DGKI: variants seen among roughly 807,000 people sequenced by gnomAD.
DGKI encodes diacylglycerol kinase iota, also known as DAG kinase iota.
DGKI carries 55 observed loss-of-function variants against 147.5 expected under a neutral mutation model. That is an observed-to-expected ratio of 0.37 (90% CI 0.30 to 0.47). The LOEUF is 0.47. DGKI is among the 20% of genes least tolerant of loss of function. The pLI, the probability that DGKI is intolerant of heterozygous loss-of-function variation, is 1.00. For missense variants in DGKI, 1,007 were observed against 1,323.8 expected (o/e 0.76, Z 3.71); for synonymous variants, 469 against 477.1 (o/e 0.98, Z 0.22).
intron 31 of DGKI, chr7:137,395,996 CAGA>C: frequency 3.0e-6 from 1 of 331,648 alleles, no homozygotes; most frequent in South Asian, 5.1e-5. Flanking sequence ...CAGTATTAAA[CAGA>C]CTAATTGTCT....
intron 1 of DGKI, among the ~76,000 whole-genome samples, chr7:137,746,346 A>C (rs1795330075): frequency 6.6e-6 from 1 of 152,170 alleles, no homozygotes; most frequent in Admixed American, 6.5e-5. Flanking sequence ...TGAAGGTGAT[A>C]CAAACTTGAC....
intron 6 of DGKI, among the ~76,000 whole-genome samples, chr7:137,627,207 A>C (rs965935619): frequency 2.0e-5 from 3 of 152,170 alleles, no homozygotes; most frequent in African/African-American, 4.8e-5. Flanking sequence ...AGTCTTCCAA[A>C]ATAACCTCAA....
At chr7:137,651,847 C>A (rs891360773) in intron 5 of DGKI, among the ~76,000 whole-genome samples, 6 of 152,056 alleles carry the variant, frequency 3.9e-5, no homozygotes, top group African/African-American at 1.4e-4. Flanking sequence ...TATGTAGTAT[C>A]TTGAATATTT....
chr7:137,593,662 G>A (rs1819692428), intron 12 of DGKI, among the ~76,000 whole-genome samples: 1 of 152,130 alleles, frequency 6.6e-6, no homozygotes, highest in Non-Finnish European at 1.5e-5. Flanking sequence ...TAAAATATAT[G>A]CTAGATTTTG....
At chr7:137,673,912 G>A (rs1585355992) in intron 3 of DGKI, among the ~76,000 whole-genome samples, 1 of 152,224 alleles carries the variant, frequency 6.6e-6, no homozygotes, top group Middle Eastern at 3.4e-3. Flanking sequence ...CCCGCTAAAC[G>A]GTGAGGCACT....
intron 29 of DGKI, 114 bp from the exon 30 acceptor site, chr7:137,408,109 G>C: frequency 7.6e-7 from 1 of 1,310,212 alleles, no homozygotes; most frequent in Non-Finnish European, 1.0e-6. Context: ...CAGCCTTAGA[G>C]GACATAGAGA....
At chr7:137,418,003 G>T (rs1482439990) in intron 28 of DGKI, among the ~76,000 whole-genome samples, 1 of 152,190 alleles carries the variant, frequency 6.6e-6, no homozygotes, top group Non-Finnish European at 1.5e-5. Context: ...AGCAGGAACA[G>T]ACTAAGATCC....
At chr7:137,543,605 A>T (rs1170380521) in intron 20 of DGKI, among the ~76,000 whole-genome samples, 1 of 152,190 alleles carries the variant, frequency 6.6e-6, no homozygotes, top group Non-Finnish European at 1.5e-5. Context: ...AGAGCAGCAT[A>T]AAGAGAGGGT....
At chr7:137,447,113 C>G (rs1020369074) in intron 27 of DGKI, among the ~76,000 whole-genome samples, 1 of 152,140 alleles carries the variant, frequency 6.6e-6, no homozygotes, top group African/African-American at 2.4e-5. Context: ...TATTTTGGTA[C>G]TTTTTACATT....
chr7:137,759,024 T>G (rs1426507514), intron 1 of DGKI, among the ~76,000 whole-genome samples: 1 of 152,198 alleles, frequency 6.6e-6, no homozygotes, highest in Non-Finnish European at 1.5e-5. Context: ...GTACATGGCA[T>G]ACTGGTGGGG....
At chr7:137,514,221 G>A (rs13437892) in intron 21 of DGKI, among the ~76,000 whole-genome samples, 16 of 152,010 alleles carry the variant, frequency 1.1e-4, no homozygotes, top group South Asian at 4.2e-4. Context: ...CCTCTTCCGC[G>A]GTTTTAGCTG....
chr7:137,427,087 C>A (rs970335244), intron 28 of DGKI, among the ~76,000 whole-genome samples: 1 of 151,880 alleles, frequency 6.6e-6, no homozygotes, highest in Non-Finnish European at 1.5e-5. Flanking sequence ...CCCAAATCAA[C>A]AGAATATACA....
chr7:137,811,630 A>C (rs1467528154), intron 1 of DGKI, among the ~76,000 whole-genome samples: 2 of 152,200 alleles, frequency 1.3e-5, no homozygotes, highest in Non-Finnish European at 2.9e-5. Context: ...CCCCTGATTG[A>C]TCAGACTTCT....
intron 21 of DGKI, among the ~76,000 whole-genome samples, chr7:137,496,369 A>C (rs1815965007): frequency 6.6e-6 from 1 of 152,120 alleles, no homozygotes; most frequent in Admixed American, 6.6e-5. Flanking sequence ...AATATCACCA[A>C]AATGGCCATA....
Position 137,395,654 on chromosome 7 carries a change from C to G in DGKI, c.3001G>C (p.Ala1001Pro), listed in dbSNP as rs756928269. 1 of 1,614,166 alleles carries G rather than the reference C, an allele frequency of 6.2e-7. No homozygotes were observed. Among genetic ancestry groups the G allele is most frequent in the Non-Finnish European group, 8.5e-7 (1 of 1,179,996 alleles). Reference protein sequence around the residue: ...LHKAACQRNRAVCQLLVDAGA... With the variant: ...LHKAACQRNRPVCQLLVDAGA... ...GCATCCACCAGAAGCTGGCACACAG[C>G]CCGGTTCCGCTGGCAGGCAGCCTTG... The change falls in exon 32 of 33, where the codon GCT becomes CCT. Residue 1001 changes from alanine (A) to proline (P), a missense_variant. Ala to Pro is a conservative substitution (Grantham distance 27). Transcript: ENST00000614521.
chr7:137,390,928 C>A lies in DGKI; in HGVS notation c.*292G>T, dbSNP rs943935908. ...CTTTGAATCTTTAAAATAAATTATA[C>A]AGGTGAACACAGAAGTTCATGCTAC... is the stretch of plus-strand genomic sequence containing the variant. On this transcript the variant is annotated 3_prime_UTR_variant, in exon 33 of 33. Transcript: ENST00000614521. The A allele has an allele frequency of 4.9e-5, 19 of 384,392 alleles. 1 individual carries two copies. Among genetic ancestry groups the A allele is most frequent in the African/African-American group, 3.6e-4 (17 of 47,082 alleles). The allele number at this position is 384,392 out of a possible 1,614,324, so 23.8% of individuals were successfully genotyped here.
At chr7:137,791,576 AT>A (rs529455610) in intron 1 of DGKI, among the ~76,000 whole-genome samples, 174 of 152,282 alleles carry the variant, frequency 1.1e-3, no homozygotes, top group Non-Finnish European at 2.2e-3. Flanking sequence ...ATCCTATAAG[AT>A]TTCTTAAGTG....
intron 1 of DGKI, among the ~76,000 whole-genome samples, chr7:137,844,428 C>A (rs1798651543): frequency 6.6e-6 from 1 of 152,168 alleles, no homozygotes; most frequent in Non-Finnish European, 1.5e-5. Context: ...ATAAACATCG[C>A]CTGAGGAGCG....
At chr7:137,661,332 C>G (rs1228453052) in intron 3 of DGKI, among the ~76,000 whole-genome samples, 4 of 152,126 alleles carry the variant, frequency 2.6e-5, no homozygotes, top group African/African-American at 9.7e-5. Flanking sequence ...GAGCTCATGG[C>G]ACCTCACTCC....
Sources: gnomAD v4.1 joint callset for allele counts (sites outside exome capture counted in the v4.1 genomes callset) on GRCh38, gnomAD v4.1.1 for gene constraint, MANE v1.5 for transcripts, NCBI Gene and HGNC (gene_info 2026-07-23, HGNC 2026-07-21) for gene names.